Variants in PTPRM observed in about 807,000 individuals in gnomAD.
PTPRM encodes protein tyrosine phosphatase receptor type M.
PTPRM carries 47 observed loss-of-function variants against 186.7 expected under a neutral mutation model. That is an observed-to-expected ratio of 0.25 (90% confidence interval 0.20 to 0.32). The LOEUF is 0.32. Among genes scored for constraint, PTPRM ranks in the 10% least tolerant of loss-of-function variants. The pLI, the probability that PTPRM is intolerant of heterozygous loss-of-function variation, is 1.00. For synonymous variants in PTPRM, 668 were observed against 674.9 expected (o/e 0.99, Z 0.16); for missense variants, 1,494 against 1,865.0 (o/e 0.80, Z 3.66).
intron 13 of PTPRM, among the ~76,000 whole-genome samples, chr18:8,131,077 A>G (rs1333926560): frequency 3.9e-5 from 6 of 152,190 alleles, no homozygotes; most frequent in African/African-American, 7.2e-5. Context: ...GAGGCTTTCA[A>G]GATGACTCAG....
intron 1 of PTPRM, among the ~76,000 whole-genome samples, chr18:7,577,731 A>G (rs1052196797): frequency 6.6e-6 from 1 of 152,186 alleles, no homozygotes; most frequent in African/African-American, 2.4e-5. Context: ...AATTTCCACC[A>G]TGAGTTCAGG....
chr18:7,675,140 A>G (rs1268700054), intron 1 of PTPRM, among the ~76,000 whole-genome samples: 1 of 152,266 alleles, frequency 6.6e-6, no homozygotes, highest in Non-Finnish European at 1.5e-5. Context: ...GGGTTTTAGT[A>G]AAATAATCCT....
intron 1 of PTPRM, among the ~76,000 whole-genome samples, chr18:7,714,151 C>T (rs981769922): frequency 1.1e-4 from 16 of 151,984 alleles, no homozygotes; most frequent in South Asian, 1.0e-3. Flanking sequence ...TGCAAAAGAA[C>T]GGAAATCATA....
At chr18:8,040,075 G>A (rs1222454651) in intron 7 of PTPRM, among the ~76,000 whole-genome samples, 1 of 152,152 alleles carries the variant, frequency 6.6e-6, no homozygotes, top group Non-Finnish European at 1.5e-5. Context: ...TTATGAGATG[G>A]AAGAAATGAA....
chr18:7,874,844 G>C (rs185587779), intron 2 of PTPRM, among the ~76,000 whole-genome samples: 54 of 152,186 alleles, frequency 3.5e-4, no homozygotes, highest in Non-Finnish European at 6.6e-4. Context: ...ACAGAAAGGA[G>C]CTGAGGAGCT....
rs530291890 is a variant in PTPRM at position 7,935,454 on chromosome 18, A to C, written c.663+8771A>C. Among the ~76,000 whole-genome samples the C allele has an allele frequency of 9.8e-4, 149 of 152,288 alleles. 1 individual carries two copies. The highest frequency in any genetic ancestry group is 3.3e-3 in the African/African-American group (136 of 41,570). On this transcript the variant is annotated intron_variant, in intron 5 of 32. Transcript: ENST00000580170. Reference sequence around the variant, plus strand: ...AATAAACATTTCTTTTATATTGATGAAACAGTATAACATGTCTAGGGATAC... The same window carrying C: ...AATAAACATTTCTTTTATATTGATGCAACAGTATAACATGTCTAGGGATAC...
intron 1 of PTPRM, among the ~76,000 whole-genome samples, chr18:7,766,299 G>A (rs151293728): frequency 1.1e-3 from 169 of 152,316 alleles, no homozygotes; most frequent in Non-Finnish European, 2.0e-3. Context: ...TTTAATTAGG[G>A]AACATTTATA....
rs1601077914 is a variant in PTPRM at position 8,184,849 on chromosome 18, C to T, written c.2300+41070C>T. 2.6e-5 allele frequency among the ~76,000 whole-genome samples: 4 copies of T among 152,182 alleles called. No individual in the cohort carries two copies. In the South Asian group the frequency reaches 8.3e-4, roughly 32 times the overall value. ...GTAAAGAGTGCTGAGTGAGAGCGTC[C>T]CTTTGTCCTAGTCCTCTGGTCCTAG... On this transcript the variant is annotated intron_variant, in intron 14 of 32. Transcript: ENST00000580170.
chr18:7,609,560 A>G (rs551267593), intron 1 of PTPRM, among the ~76,000 whole-genome samples: 2 of 151,448 alleles, frequency 1.3e-5, no homozygotes, highest in Middle Eastern at 3.4e-3. Context: ...CTGTCTTCAA[A>G]CAATTTTGTA....
intron 2 of PTPRM, among the ~76,000 whole-genome samples, chr18:7,795,113 C>T (rs2043553502): frequency 6.6e-6 from 1 of 152,222 alleles, no homozygotes; most frequent in Non-Finnish European, 1.5e-5. Context: ...TCACGGGCTT[C>T]ACTCAGGCGT....
At chr18:7,706,628 A>C (rs1030080979) in intron 1 of PTPRM, among the ~76,000 whole-genome samples, 40 of 149,632 alleles carry the variant, frequency 2.7e-4, no homozygotes, top group East Asian at 1.2e-3. Context: ...AAAAAAAAAA[A>C]AACAACAAAA....
At chr18:7,886,585 A>G (rs980653131) in intron 2 of PTPRM, among the ~76,000 whole-genome samples, 1 of 152,198 alleles carries the variant, frequency 6.6e-6, no homozygotes, top group African/African-American at 2.4e-5. Flanking sequence ...TTCAAAAAGC[A>G]CATGAAGAAA....
chr18:8,166,424 G>A (rs928587465), intron 14 of PTPRM, among the ~76,000 whole-genome samples: 2 of 152,122 alleles, frequency 1.3e-5, no homozygotes, highest in Admixed American at 1.3e-4. Context: ...TATTTATTAT[G>A]TGTGACATCT....
At chr18:8,324,955 T>C (rs762272364) in intron 22 of PTPRM, among the ~76,000 whole-genome samples, 8 of 152,184 alleles carry the variant, frequency 5.3e-5, no homozygotes, top group Non-Finnish European at 1.2e-4. Flanking sequence ...GCAAATGCCA[T>C]GTATGCGTGA....
intron 1 of PTPRM, among the ~76,000 whole-genome samples, chr18:7,714,311 G>A (rs2040276747): frequency 6.6e-6 from 1 of 152,162 alleles, no homozygotes; most frequent in Admixed American, 6.5e-5. Context: ...TAAGTTCATT[G>A]AAACCCAGGA....
At chr18:8,051,709 A>G (rs944068652) in intron 7 of PTPRM, among the ~76,000 whole-genome samples, 1 of 151,990 alleles carries the variant, frequency 6.6e-6, no homozygotes, top group Non-Finnish European at 1.5e-5. Flanking sequence ...TTGTAGGGAT[A>G]TTTATCTGCT....
intron 10 of PTPRM, among the ~76,000 whole-genome samples, chr18:8,087,195 A>G (rs976083484): frequency 6.6e-6 from 1 of 152,158 alleles, no homozygotes; most frequent in Non-Finnish European, 1.5e-5. Flanking sequence ...AAGTGCCAAT[A>G]TATATACCTC....
At chr18:7,978,249 G>T (rs1487999861) in intron 7 of PTPRM, among the ~76,000 whole-genome samples, 1 of 152,120 alleles carries the variant, frequency 6.6e-6, no homozygotes, top group African/African-American at 2.4e-5. Context: ...AACCAAGTGA[G>T]GTGACTAGTC....
chr18:8,076,381 A>T, intron 8 of PTPRM, 74 bp from the exon 9 acceptor site: 1 of 874,434 alleles, frequency 1.1e-6, no homozygotes, highest in Non-Finnish European at 1.8e-6. Flanking sequence ...ATAGAAGGTT[A>T]AAACCAAGTC....
Sources: gnomAD v4.1 joint callset for allele counts (sites outside exome capture counted in the v4.1 genomes callset) on GRCh38, gnomAD v4.1.1 for gene constraint, MANE v1.5 for transcripts, NCBI Gene and HGNC (gene_info 2026-07-23, HGNC 2026-07-21) for gene names.